CFHR1: variants seen among roughly 807,000 people sequenced by gnomAD.
The protein encoded by CFHR1 is complement factor H related 1.
A neutral mutation model predicts 30.4 loss-of-function variants in CFHR1; 22 were observed. The observed-to-expected ratio is 0.72, with a 90% CI of 0.52 to 1.03. CFHR1 has a LOEUF of 1.03. CFHR1 is among the 50% of genes least tolerant of loss of function. CFHR1 has a pLI of 0.00. For synonymous variants in CFHR1, 95 were observed against 129.1 expected, an observed-to-expected ratio of 0.74 and a Z score of 1.79; for missense variants, 248 against 380.6, an observed-to-expected ratio of 0.65 and a Z score of 2.90.
rs758750227 is a variant in CFHR1 at position 196,825,480 on chromosome 1, C to G, written c.62C>G (p.Thr21Arg). 6.8e-7 allele frequency: 1 copy of G among 1,479,830 alleles called. No homozygotes were observed. Among genetic ancestry groups the G allele is most frequent in the Non-Finnish European group, 9.2e-7 (1 of 1,090,988 alleles). 91.7% of individuals were successfully genotyped at this position (1,479,830 alleles called of 1,614,324 possible). A position where few individuals can be genotyped will look rare whatever the true frequency, so the allele number is the denominator to read the frequency against. ...CAGTTTTATGTTATTTTCCCAGCAA[C>G]ATTTTGTGATTTTCCAAAAATAAAC... ...SRISSVGGEATFCDFPKINHG... is the reference protein window; with the variant it reads ...SRISSVGGEARFCDFPKINHG... The change falls in exon 2 of 6, where the codon ACA becomes AGA. Residue 21 changes from threonine to arginine, a missense_variant. This residue lies in a region of CFHR1 where 121 missense variants were observed against 162.6 expected (regional missense o/e 0.74). Transcript: ENST00000320493.
intron 1 of CFHR1, 154 bp from the exon 2 acceptor site, chr1:196,825,319 GCTTT>G: frequency 5.6e-6 from 3 of 538,484 alleles, no homozygotes; most frequent in East Asian, 3.0e-5. Flanking sequence ...AGTTAGTGAT[GCTTT>G]TCATTCCTAA....
intron 1 of CFHR1, among the ~76,000 whole-genome samples, chr1:196,822,735 G>C (rs1311128364): frequency 7.5e-6 from 1 of 133,944 alleles, no homozygotes; most frequent in Non-Finnish European, 1.6e-5. Flanking sequence ...AACATTAACT[G>C]TTTTACAGTT....
At chr1:196,824,149 C>T (rs1429661711) in intron 1 of CFHR1, among the ~76,000 whole-genome samples, 1 of 134,746 alleles carries the variant, frequency 7.4e-6, no homozygotes, top group African/African-American at 3.2e-5. Context: ...CAGGACGCTA[C>T]CCACCCCCAG....
Position 196,826,700 on chromosome 1 carries a change from T to G in CFHR1, c.254-129T>G. 3.3e-6 allele frequency: 3 copies of G among 902,438 alleles called. 1 individual carries two copies. The highest frequency in any genetic ancestry group is 5.0e-6 in the Non-Finnish European group (3 of 605,092). 55.9% of individuals were successfully genotyped at this position (902,438 alleles called of 1,614,324 possible). ...CCTGGCCTCAAGTGATCCACTCGCCTCAGCCTCCCAAAGCGCAGAGATTAC... is the reference window on the plus strand; with the variant it reads ...CCTGGCCTCAAGTGATCCACTCGCCGCAGCCTCCCAAAGCGCAGAGATTAC... On this transcript the variant is annotated intron_variant, in intron 2 of 5. Coordinates refer to ENST00000320493, the MANE Select transcript of CFHR1 (RefSeq NM_002113.3).
At chr1:196,827,756 G>GC in intron 3 of CFHR1, among the ~76,000 whole-genome samples, 1 of 88,762 alleles carries the variant, frequency 1.1e-5, no homozygotes. Context: ...GGTAATATTT[G>GC]TTTACTCAAA....
Position 196,831,696 on chromosome 1 carries a change from T to A in CFHR1, c.791-101T>A, listed in dbSNP as rs1314654339. On this transcript the variant is annotated intron_variant, in intron 5 of 5. Coordinates refer to ENST00000320493, the MANE Select transcript of CFHR1 (RefSeq NM_002113.3). Reference sequence around the variant, plus strand: ...TCGGTTTGGACAGTGTTTTGAGAAATAATTCCTGAACCATCATATAACATT... The same window carrying A: ...TCGGTTTGGACAGTGTTTTGAGAAAAAATTCCTGAACCATCATATAACATT... 1.5e-4 allele frequency: 200 copies of A among 1,342,820 alleles called. 14 individuals carry two copies. Among genetic ancestry groups the A allele is most frequent in the South Asian group, 5.7e-4 (41 of 71,376 alleles). The allele number at this position is 1,342,820 out of a possible 1,614,324, so 83.2% of individuals were successfully genotyped here.
rs1274126265 is a variant in CFHR1 at position 196,825,995 on chromosome 1, T to C, written c.253+324T>C. ...CTGATCAAAGTTTTCCTTTTAAATG[T>C]CATTTTTATACATATTCTGTTTTGA... On this transcript the variant is annotated intron_variant, in intron 2 of 5. Transcript: ENST00000320493. The C allele has an allele frequency of 1.4e-5, 3 of 221,052 alleles. 1 individual carries two copies. The highest frequency in any genetic ancestry group is 8.9e-5 in the African/African-American group (3 of 33,656). The allele number at this position is 221,052 out of a possible 1,614,324, so 13.7% of individuals were successfully genotyped here. A position where few individuals can be genotyped will look rare whatever the true frequency, so the allele number is the denominator to read the frequency against.
chr1:196,826,904 T>A lies in CFHR1; in HGVS notation c.329T>A (p.Val110Glu). 6.6e-7 allele frequency: 1 copy of A among 1,525,434 alleles called. No individual in the cohort carries two copies. The highest frequency in any genetic ancestry group is 8.9e-7 in the Non-Finnish European group (1 of 1,129,336). 94.5% of individuals were successfully genotyped at this position (1,525,434 alleles called of 1,614,324 possible). ...SGQTHLEGDT[V>E]QIICNTGYRL... Reference sequence around the variant, plus strand: ...CAAACACATCTGGAAGGTGATACTGTGCAAATTATTTGCAACACAGGATAC... The same window carrying A: ...CAAACACATCTGGAAGGTGATACTGAGCAAATTATTTGCAACACAGGATAC... Residue 110 changes from valine to glutamate, a missense_variant, in exon 3 of 6, where the codon GTG (valine) becomes GAG (glutamate). Val to Glu is a moderately radical substitution (Grantham distance 121). Around this residue, in one of 3 missense-constraint regions of CFHR1, gnomAD observed 121 missense variants for 162.6 expected, o/e 0.74. Coordinates refer to ENST00000320493, the MANE Select transcript of CFHR1 (RefSeq NM_002113.3).
rs560514062 is a variant in CFHR1, at chr1:196,828,405, A to C, written c.607+159A>C. On this transcript the variant is annotated intron_variant, in intron 4 of 5. Transcript: ENST00000320493. The stretch of plus-strand genomic sequence containing the variant: ...TCAATTCTTCCTGTGAACAGAACAC[A>C]AGTAATAGGGTGTATTATTTTTGAG... 2.2e-5 allele frequency among the ~76,000 whole-genome samples: 3 copies of C among 133,752 alleles called. 1 individual carries two copies. The highest frequency in any genetic ancestry group is 9.7e-5 in the African/African-American group (3 of 30,966). The allele number at this position is 133,752 out of a possible 152,430, so 87.7% of individuals were successfully genotyped here. A position where few individuals can be genotyped will look rare whatever the true frequency, so the allele number is the denominator to read the frequency against.
intron 1 of CFHR1, among the ~76,000 whole-genome samples, chr1:196,823,327 A>G (rs1221709276): frequency 7.4e-6 from 1 of 135,164 alleles, no homozygotes; most frequent in Non-Finnish European, 1.6e-5. Flanking sequence ...GCATAGGTAC[A>G]ATATAAATGG....
chr1:196,824,748 GTA>G (rs71131725), intron 1 of CFHR1, among the ~76,000 whole-genome samples: 1,601 of 54,902 alleles, frequency 0.029, 194 homozygotes, highest in African/African-American at 0.074. Context: ...GGGGCTGACT[GTA>G]TATATATATA....
rs1272032752 is a variant in CFHR1 at position 196,826,872 on chromosome 1, T to C, written c.297T>C (p.Ser99=). Residue 99 remains serine, a synonymous_variant, in exon 3 of 6, where the codon TCT becomes TCC. Transcript: ENST00000320493. ...TTGTGGAAAATGGTCATTCTGAATC[T>C]TCAGGACAAACACATCTGGAAGGTG... ...FPFVENGHSE[S]SGQTHLEGDT... 1 of 1,525,408 alleles carries C rather than the reference T, an allele frequency of 6.6e-7. No individual in the cohort carries two copies. The highest frequency in any genetic ancestry group is 2.2e-5 in the East Asian group (1 of 44,634). The allele number at this position is 1,525,408 out of a possible 1,614,324, so 94.5% of individuals were successfully genotyped here.
chr1:196,821,211 T>C (rs1180005352), intron 1 of CFHR1: 1 of 136,086 alleles, frequency 7.3e-6, no homozygotes, highest in Non-Finnish European at 1.5e-5. Flanking sequence ...TGTATGAGTG[T>C]ATTTGATTTT....
chr1:196,831,672 C>T lies in CFHR1; in HGVS notation c.791-125C>T, dbSNP rs185657469. The T allele has an allele frequency of 1.2e-3, 1,489 of 1,240,354 alleles. 379 individuals carry two copies. The African/African-American group carries it at 0.026, about 21-fold the overall frequency. The allele number at this position is 1,240,354 out of a possible 1,614,324, so 76.8% of individuals were successfully genotyped here. A position where few individuals can be genotyped will look rare whatever the true frequency, so the allele number is the denominator to read the frequency against. On this transcript the variant is annotated intron_variant, in intron 5 of 5. Transcript: ENST00000320493. ...AATCAATATGATGTTTTTACATAGT[C>T]GGTTTGGACAGTGTTTTGAGAAATA...
chr1:196,823,751 A>G lies in CFHR1; in HGVS notation c.59-1726A>G, dbSNP rs1327579600. 3.7e-5 allele frequency among the ~76,000 whole-genome samples: 5 copies of G among 135,588 alleles called. 1 individual carries two copies. Among genetic ancestry groups the G allele is most frequent in the African/African-American group, 1.6e-4 (5 of 31,822 alleles). 89.0% of individuals were successfully genotyped at this position (135,588 alleles called of 152,430 possible). ...AAGAGCAGTATTATATTGAGGAAAT[A>G]TCTTGAGCTAAATACGTACTCAAAG... On this transcript the variant is annotated intron_variant, in intron 1 of 5. Transcript: ENST00000320493.
Position 196,832,143 on chromosome 1 carries a change from C to T in CFHR1, c.*144C>T, listed in dbSNP as rs1183304707. 1.1e-5 allele frequency: 8 copies of T among 755,662 alleles called. 1 individual carries two copies. The highest frequency in any genetic ancestry group is 2.7e-5 in the East Asian group (1 of 36,628). The allele number at this position is 755,662 out of a possible 1,614,324, so 46.8% of individuals were successfully genotyped here. A position where few individuals can be genotyped will look rare whatever the true frequency, so the allele number is the denominator to read the frequency against. ...TGAAAATGTAATTATAAGCTGAGAC[C>T]GGTGGCTCTCTTCTTAAAAGCACCA... On this transcript the variant is annotated 3_prime_UTR_variant, in exon 6 of 6. Coordinates refer to ENST00000320493, the MANE Select transcript of CFHR1 (RefSeq NM_002113.3).
rs186187092 is a variant in CFHR1 at position 196,828,431 on chromosome 1, A to G, written c.607+185A>G. ...AGTAATAGGGTGTATTATTTTTGAGAAAGATTCGACCAAATTAAAAGAGTT... is the reference window on the plus strand; with the variant it reads ...AGTAATAGGGTGTATTATTTTTGAGGAAGATTCGACCAAATTAAAAGAGTT... On this transcript the variant is annotated intron_variant, in intron 4 of 5. Coordinates refer to ENST00000320493, the MANE Select transcript of CFHR1 (RefSeq NM_002113.3). 2.2e-5 allele frequency among the ~76,000 whole-genome samples: 3 copies of G among 134,442 alleles called. No homozygotes were observed. In the East Asian group the frequency reaches 5.9e-4, roughly 26 times the overall value. 88.2% of individuals were successfully genotyped at this position (134,442 alleles called of 152,430 possible).
intron 5 of CFHR1, among the ~76,000 whole-genome samples, chr1:196,830,990 G>C (rs367626): frequency 7.7e-6 from 1 of 130,054 alleles, no homozygotes; most frequent in Non-Finnish European, 1.6e-5. Flanking sequence ...AATAATAACC[G>C]GCATGGTGAC....
chr1:196,831,004 C>A lies in CFHR1; in HGVS notation c.790+322C>A, dbSNP rs547771713. Among the ~76,000 whole-genome samples, 345 of 133,296 alleles carry A rather than the reference C, an allele frequency of 2.6e-3. 84 individuals are homozygous for A. Among genetic ancestry groups the A allele is most frequent in the African/African-American group, 0.011 (332 of 30,826 alleles). 87.4% of individuals were successfully genotyped at this position (133,296 alleles called of 152,430 possible). A position where few individuals can be genotyped will look rare whatever the true frequency, so the allele number is the denominator to read the frequency against. On this transcript the variant is annotated intron_variant, in intron 5 of 5. Transcript: ENST00000320493. ...TAATAATAACCGGCATGGTGACGGG[C>A]ACCTGTAGTCCCAGCTAGTCGGGAG... is the stretch of plus-strand genomic sequence containing the variant.
Sources: gnomAD v4.1 joint callset for allele counts (sites outside exome capture counted in the v4.1 genomes callset) on GRCh38, gnomAD v4.1.1 for gene constraint, gnomAD v4.1.1 regional missense constraint, MANE v1.5 for transcripts, NCBI Gene and HGNC (gene_info 2026-07-23, HGNC 2026-07-21) for gene names.